IP6K2: variants seen among roughly 807,000 people sequenced by gnomAD.
The protein encoded by IP6K2 is inositol hexakisphosphate kinase 2, also known as ATP:1D-myo-inositol-hexakisphosphate phosphotransferase.
IP6K2 carries 9 observed loss-of-function variants against 43.3 expected under a neutral mutation model. That is an observed-to-expected ratio of 0.21 (90% CI 0.13 to 0.36). The LOEUF (loss-of-function observed/expected upper bound fraction) is 0.36. Ranked by LOEUF, IP6K2 falls within the 10% of genes least tolerant of loss-of-function variation. The pLI is 1.00. For synonymous variants in IP6K2, 209 were observed against 202.4 expected, an observed-to-expected ratio of 1.03 and a Z score of -0.28; for missense variants, 332 against 538.4, an observed-to-expected ratio of 0.62 and a Z score of 3.79.
intron 3 of IP6K2, among the ~76,000 whole-genome samples, chr3:48,691,861 C>CT (rs1300112610): frequency 6.6e-6 from 1 of 151,070 alleles, no homozygotes; most frequent in Non-Finnish European, 1.5e-5. Flanking sequence ...TCTTTTTTTT[C>CT]TTTTTTTGAG....
chr3:48,689,477 A>G (rs2077587793), intron 5 of IP6K2, 61 bp downstream of exon 5: 2 of 1,535,074 alleles, frequency 1.3e-6, no homozygotes, highest in Non-Finnish European at 1.8e-6. Flanking sequence ...AAACAGGACT[A>G]TACCAGGGTG....
chr3:48,712,418 A>AT (rs989819981), intron 1 of IP6K2, among the ~76,000 whole-genome samples: 14 of 149,124 alleles, frequency 9.4e-5, no homozygotes, highest in East Asian at 8.0e-4. Context: ...AATTTTTTGT[A>AT]TTTTTTTTTA....
chr3:48,703,354 T>C (rs1258862984), intron 1 of IP6K2, among the ~76,000 whole-genome samples: 1 of 152,186 alleles, frequency 6.6e-6, no homozygotes, highest in Non-Finnish European at 1.5e-5. Context: ...TCTGTGTTGA[T>C]ACTGAGGTCA....
intron 3 of IP6K2, 61 bp downstream of exon 3, chr3:48,692,893 A>G: frequency 7.6e-7 from 1 of 1,309,910 alleles, no homozygotes; most frequent in Non-Finnish European, 1.1e-6. Context: ...CTGGGCTGTA[A>G]CCAAAACCCC....
chr3:48,715,271 C>T, intron 1 of IP6K2: 3 of 1,535,508 alleles, frequency 2.0e-6, no homozygotes, highest in African/African-American at 1.4e-5. Context: ...AAAATTCTTC[C>T]CCAGTGCATC....
intron 1 of IP6K2, chr3:48,708,033 G>A (rs1221861776): frequency 6.6e-6 from 1 of 152,034 alleles, no homozygotes; most frequent in Non-Finnish European, 1.5e-5. Flanking sequence ...CGAGAAATAT[G>A]TGTATCACCA....
intron 1 of IP6K2, chr3:48,715,628 C>A: frequency 3.3e-6 from 2 of 608,526 alleles, no homozygotes; most frequent in Non-Finnish European, 5.7e-6. Flanking sequence ...GCATAAAAAA[C>A]AAACCAAACA....
Position 48,688,498 on chromosome 3 carries a change from C to T in IP6K2, c.1056G>A (p.Leu352=). The T allele has an allele frequency of 6.2e-7, 1 of 1,614,208 alleles. No homozygotes were observed. The highest frequency in any genetic ancestry group is 1.1e-5 in the South Asian group (1 of 91,086). ...EVVLDSDAED[L]EDLSEESADE... ...CAGCTGATTCCTCTGACAGGTCCTC[C>T]AAATCCTCAGCATCTGAGTCCAGGA... The change falls in exon 6 of 6, where the codon TTG becomes TTA. Residue 352 remains leucine (L), a synonymous_variant. Transcript: ENST00000328631. This position sits in a 1 kb window ranked among gnomAD's most constrained non-coding sequence, Gnocchi z 5.1.
chr3:48,698,145 G>C (rs566026316), intron 1 of IP6K2, among the ~76,000 whole-genome samples: 1 of 152,268 alleles, frequency 6.6e-6, no homozygotes, highest in South Asian at 2.1e-4. Flanking sequence ...CCAGAAGATG[G>C]AGCTCTGAGA....
chr3:48,714,059 G>C (rs549393855), intron 1 of IP6K2, among the ~76,000 whole-genome samples: 1 of 152,226 alleles, frequency 6.6e-6, no homozygotes, highest in African/African-American at 2.4e-5. Flanking sequence ...GAAGGTTGTA[G>C]TGAGCTGAGA....
At chr3:48,689,399 C>G in intron 5 of IP6K2, 139 bp downstream of exon 5, 1 of 836,104 alleles carries the variant, frequency 1.2e-6, no homozygotes. Context: ...GTGATCCACC[C>G]ACCTTGACCC....
intron 1 of IP6K2, among the ~76,000 whole-genome samples, chr3:48,702,716 T>C (rs1242899568): frequency 6.6e-6 from 1 of 152,196 alleles, no homozygotes; most frequent in Non-Finnish European, 1.5e-5. Context: ...TATCACCGTC[T>C]GACATACTCT....
At chr3:48,692,882 A>C (rs536188253) in intron 3 of IP6K2, 72 bp downstream of exon 3, 1 of 1,076,784 alleles carries the variant, frequency 9.3e-7, no homozygotes, top group East Asian at 2.4e-5. Flanking sequence ...GCTCCAGGGA[A>C]CTGGGCTGTA....
intron 1 of IP6K2, among the ~76,000 whole-genome samples, chr3:48,701,388 G>A (rs1244045458): frequency 1.3e-5 from 2 of 151,690 alleles, no homozygotes; most frequent in Admixed American, 6.6e-5. Flanking sequence ...CCAACATGGC[G>A]AAACCCTGTC....
At chr3:48,696,557 C>T (rs1037416392) in intron 1 of IP6K2, among the ~76,000 whole-genome samples, 12 of 150,354 alleles carry the variant, frequency 8.0e-5, no homozygotes, top group African/African-American at 1.5e-4. Flanking sequence ...GCCGCATCAA[C>T]GAAGCACATT....
chr3:48,693,983 CGCCT>C, intron 2 of IP6K2: 47 of 1,370,536 alleles, frequency 3.4e-5, no homozygotes, highest in Admixed American at 2.5e-4. Flanking sequence ...TGCCGACGAG[CGCCT>C]TACAAACGAC....
At chr3:48,690,159 C>T (rs1372440110) in intron 4 of IP6K2, among the ~76,000 whole-genome samples, 1 of 152,204 alleles carries the variant, frequency 6.6e-6, no homozygotes, top group East Asian at 1.9e-4. Flanking sequence ...GCTGTGTGCA[C>T]TAAAAAGGTC....
rs139591651 is a variant in IP6K2 at position 48,703,238 on chromosome 3, C to G, written c.-130-7817G>C. 3.4e-3 allele frequency among the ~76,000 whole-genome samples: 518 copies of G among 152,250 alleles called. 5 individuals carry two copies. Among genetic ancestry groups the G allele is most frequent in the African/African-American group, 0.012 (493 of 41,548 alleles). On this transcript the variant is annotated intron_variant, in intron 1 of 5. Coordinates refer to ENST00000328631, the MANE Select transcript of IP6K2 (RefSeq NM_016291.4). ...TGGAAAATTCTCTCTTGTAGAAAAT[C>G]AGGTGAGAAAAGACTAGTTAATGAA... is the stretch of plus-strand genomic sequence containing the variant.
At chr3:48,692,240 A>G (rs1316909859) in intron 3 of IP6K2, among the ~76,000 whole-genome samples, 2 of 152,210 alleles carry the variant, frequency 1.3e-5, no homozygotes, top group Non-Finnish European at 2.9e-5. Context: ...ATTTTACCAC[A>G]TGTATACCTC....
Sources: gnomAD v4.1 joint callset for allele counts (sites outside exome capture counted in the v4.1 genomes callset) on GRCh38, gnomAD v4.1.1 for gene constraint, Gnocchi (gnomAD v3.1) non-coding constraint, MANE v1.5 for transcripts, NCBI Gene and HGNC (gene_info 2026-07-23, HGNC 2026-07-21) for gene names.